DSCAM: variants seen among roughly 807,000 people sequenced by gnomAD.
The protein encoded by DSCAM is DS cell adhesion molecule, also known as cell adhesion molecule DSCAM.
In DSCAM, 47 loss-of-function variants were observed where a neutral mutation model predicts 217.7. That is an observed-to-expected ratio of 0.22 (90% CI 0.17 to 0.28). The LOEUF (loss-of-function observed/expected upper bound fraction) is 0.28. Among genes scored for constraint, DSCAM ranks in the 10% least tolerant of loss-of-function variants. The pLI is 1.00. For missense variants in DSCAM, 2,080 were observed against 2,618.3 expected (o/e 0.79, Z 4.49); for synonymous variants, 1,056 against 1,015.3 (o/e 1.04, Z -0.76).
chr21:40,732,501 A>C (rs2091022998), intron 1 of DSCAM, among the ~76,000 whole-genome samples: 1 of 152,220 alleles, frequency 6.6e-6, no homozygotes, highest in Admixed American at 6.5e-5. Context: ...AGATACACTG[A>C]TTCAATAACT....
chr21:40,092,195 C>T (rs2089619564), intron 21 of DSCAM, among the ~76,000 whole-genome samples: 1 of 152,128 alleles, frequency 6.6e-6, no homozygotes, highest in South Asian at 2.1e-4. Flanking sequence ...CTCCATACTC[C>T]CTTCTTCCCC....
intron 11 of DSCAM, among the ~76,000 whole-genome samples, chr21:40,273,704 T>A (rs1331946667): frequency 6.6e-6 from 1 of 152,208 alleles, no homozygotes; most frequent in Non-Finnish European, 1.5e-5. Context: ...ACAACGGAAA[T>A]GTATTCCTCA....
intron 3 of DSCAM, among the ~76,000 whole-genome samples, chr21:40,600,697 G>A (rs1033761303): frequency 1.3e-5 from 2 of 152,044 alleles, no homozygotes; most frequent in African/African-American, 4.8e-5. Flanking sequence ...TTTTTTTGTT[G>A]TTGTTGTTAA....
intron 11 of DSCAM, among the ~76,000 whole-genome samples, chr21:40,262,596 C>T (rs1420106203): frequency 2.0e-5 from 3 of 152,192 alleles, no homozygotes; most frequent in East Asian, 3.8e-4. Flanking sequence ...CCCAAATCAC[C>T]TAACACAAGC....
chr21:40,153,930 C>T (rs1202899402), intron 16 of DSCAM, among the ~76,000 whole-genome samples: 1 of 152,132 alleles, frequency 6.6e-6, no homozygotes, highest in Admixed American at 6.5e-5. Context: ...CTTGGCCAAA[C>T]AAAAGGGAAT....
intron 3 of DSCAM, among the ~76,000 whole-genome samples, chr21:40,538,018 G>T (rs372985566): frequency 1.2e-4 from 18 of 152,314 alleles, no homozygotes; most frequent in African/African-American, 4.1e-4. Context: ...AATGCTAAGT[G>T]GTAGGTGAGT....
Position 40,196,521 on chromosome 21 carries a change from C to T in DSCAM, c.2357-7283G>A, listed in dbSNP as rs569237880. Among the ~76,000 whole-genome samples, 3 of 152,236 alleles carry T rather than the reference C, an allele frequency of 2.0e-5. No individual in the cohort carries two copies. The South Asian group carries it at 6.2e-4, about 32-fold the overall frequency. ...AAATATACAGCCTGGATTGAAACAA[C>T]TCAATCCGATGATCCCCAAGGTCTT... On this transcript the variant is annotated intron_variant, in intron 11 of 32. Transcript: ENST00000400454.
chr21:40,308,171 A>T (rs1601537525), intron 9 of DSCAM, among the ~76,000 whole-genome samples: 2 of 152,334 alleles, frequency 1.3e-5, no homozygotes, highest in South Asian at 2.1e-4. Flanking sequence ...TGAATGCAGT[A>T]CATTGTGGAT....
intron 30 of DSCAM, among the ~76,000 whole-genome samples, chr21:40,048,236 C>T (rs546369539): frequency 1.3e-5 from 2 of 152,346 alleles, no homozygotes; most frequent in South Asian, 2.1e-4. Flanking sequence ...CACAGCTGGC[C>T]GTGCCCATGA....
chr21:40,786,768 T>C (rs1238223268), intron 1 of DSCAM, among the ~76,000 whole-genome samples: 1 of 152,204 alleles, frequency 6.6e-6, no homozygotes, highest in Non-Finnish European at 1.5e-5. Flanking sequence ...ATAATAATGG[T>C]CGTAATCACT....
At chr21:40,423,344 CACA>C (rs1366053241) in intron 3 of DSCAM, among the ~76,000 whole-genome samples, 1 of 148,730 alleles carries the variant, frequency 6.7e-6, no homozygotes, top group Non-Finnish European at 1.5e-5. Context: ...ACTCATTATC[CACA>C]ACGAGAGAGA....
At chr21:40,039,797 A>ATAAC (rs1469839715) in intron 32 of DSCAM, among the ~76,000 whole-genome samples, 4 of 152,226 alleles carry the variant, frequency 2.6e-5, no homozygotes, top group East Asian at 1.9e-4. Flanking sequence ...TCTGGGGATC[A>ATAAC]TAACTATTTG....
At chr21:40,832,777 A>G (rs941087428) in intron 1 of DSCAM, among the ~76,000 whole-genome samples, 8 of 152,194 alleles carry the variant, frequency 5.3e-5, no homozygotes, top group Admixed American at 5.2e-4. Context: ...TCATCAAACT[A>G]CACAATGAGC....
chr21:40,815,863 G>A (rs2091877022), intron 1 of DSCAM, among the ~76,000 whole-genome samples: 2 of 152,194 alleles, frequency 1.3e-5, no homozygotes, highest in African/African-American at 2.4e-5. Context: ...GAGGACTACA[G>A]TGAGACTGAG....
At chr21:40,731,992 TG>T (rs1272818553) in intron 1 of DSCAM, among the ~76,000 whole-genome samples, 1 of 152,176 alleles carries the variant, frequency 6.6e-6, no homozygotes, top group Non-Finnish European at 1.5e-5. Context: ...CCTAAAGTGC[TG>T]GGATTACAGG....
At chr21:40,333,936 A>G (rs1472202807) in intron 8 of DSCAM, among the ~76,000 whole-genome samples, 2 of 152,222 alleles carry the variant, frequency 1.3e-5, no homozygotes, top group African/African-American at 2.4e-5. Flanking sequence ...CGCACCTTGC[A>G]ACCAATGGGG....
intron 20 of DSCAM, among the ~76,000 whole-genome samples, chr21:40,096,136 C>T (rs1476855323): frequency 6.6e-6 from 1 of 152,140 alleles, no homozygotes; most frequent in Non-Finnish European, 1.5e-5. Context: ...ATCTGATGGC[C>T]TCCTTTAGAA....
intron 3 of DSCAM, among the ~76,000 whole-genome samples, chr21:40,586,527 A>G (rs1467242785): frequency 6.6e-6 from 1 of 152,182 alleles, no homozygotes; most frequent in African/African-American, 2.4e-5. Context: ...CTCAAACTTC[A>G]TTTGCATAAT....
intron 8 of DSCAM, among the ~76,000 whole-genome samples, chr21:40,327,935 A>C (rs1481948327): frequency 6.6e-6 from 1 of 152,156 alleles, no homozygotes; most frequent in East Asian, 1.9e-4. Context: ...TAAATTAACC[A>C]AGGAGGTGAA....
Sources: allele counts gnomAD v4.1 joint callset (sites outside exome capture counted in the v4.1 genomes callset), GRCh38; gene constraint gnomAD v4.1.1; transcripts MANE v1.5; gene names NCBI Gene and HGNC (gene_info 2026-07-23, HGNC 2026-07-21).